The following NAV3 variants were observed in gnomAD, a reference collection of about 807,000 sequenced individuals.
NAV3 encodes the protein neuron navigator 3.
NAV3 carries 87 observed loss-of-function variants against 244.7 expected under a neutral mutation model. The observed-to-expected ratio is 0.36, with a 90% CI of 0.30 to 0.42. The LOEUF is 0.42. Among genes scored for constraint, NAV3 ranks in the 20% least tolerant of loss-of-function variants. The pLI, the probability that NAV3 is intolerant of heterozygous loss-of-function variation, is 1.00. For synonymous variants in NAV3, 1,126 were observed against 1,042.2 expected, an observed-to-expected ratio of 1.08 and a Z score of -1.55; for missense variants, 2,663 against 2,893.3, an observed-to-expected ratio of 0.92 and a Z score of 1.83.
Position 77,988,363 on chromosome 12 carries a change from T to C in NAV3, c.672-6440T>C, listed in dbSNP as rs538759206. Among the ~76,000 whole-genome samples, 15 of 152,294 alleles carry C rather than the reference T, an allele frequency of 9.8e-5. No individual in the cohort carries two copies. The East Asian group carries it at 2.5e-3, about 26-fold the overall frequency. On this transcript the variant is annotated intron_variant, in intron 5 of 39. Transcript: ENST00000397909. ...CTTAAAAAGCTTTCTTTCCTTACAATAAATGGATTTTATAACTCCACATGA... is the reference window on the plus strand; with the variant it reads ...CTTAAAAAGCTTTCTTTCCTTACAACAAATGGATTTTATAACTCCACATGA...
intron 2 of NAV3, among the ~76,000 whole-genome samples, chr12:77,799,502 A>G (rs1319460051): frequency 6.6e-6 from 1 of 152,196 alleles, no homozygotes; most frequent in Admixed American, 6.5e-5. Context: ...GGTGATAAAT[A>G]TTAAGAAGGT....
intron 12 of NAV3, among the ~76,000 whole-genome samples, chr12:78,064,679 G>C (rs1884798272): frequency 6.6e-6 from 1 of 152,020 alleles, no homozygotes; most frequent in Non-Finnish European, 1.5e-5. Context: ...TAACTCCCAG[G>C]TGGATATGTC....
chr12:78,071,501 G>C (rs988915484), intron 12 of NAV3, among the ~76,000 whole-genome samples: 3 of 151,886 alleles, frequency 2.0e-5, no homozygotes, highest in African/African-American at 7.3e-5. Context: ...CCATTTTGTA[G>C]GTTGCCTGTT....
intron 9 of NAV3, among the ~76,000 whole-genome samples, chr12:78,025,595 CAA>C (rs1186694789): frequency 7.2e-5 from 4 of 55,566 alleles, no homozygotes; most frequent in African/African-American, 3.0e-4. Flanking sequence ...GACTCCATCT[CAA>C]AAAAAAAAAA....
intron 1 of NAV3, among the ~76,000 whole-genome samples, chr12:77,925,627 C>G (rs1888131195): frequency 6.6e-6 from 1 of 152,080 alleles, no homozygotes; most frequent in Non-Finnish European, 1.5e-5. Flanking sequence ...ATTATTTGAG[C>G]AGCATCGCTT....
At chr12:78,165,370 T>C (rs1957736687) in intron 23 of NAV3, among the ~76,000 whole-genome samples, 1 of 152,056 alleles carries the variant, frequency 6.6e-6, no homozygotes, top group Non-Finnish European at 1.5e-5. Context: ...ATGACTGAAT[T>C]GGAAGAGTAG....
chr12:77,776,379 G>T (rs1482261740), intron 2 of NAV3, among the ~76,000 whole-genome samples: 1 of 152,202 alleles, frequency 6.6e-6, no homozygotes, highest in Non-Finnish European at 1.5e-5. Context: ...CATACATTTT[G>T]ATTGGTCACA....
At chr12:77,703,311 T>A (rs1875644228) in intron 2 of NAV3, among the ~76,000 whole-genome samples, 1 of 152,098 alleles carries the variant, frequency 6.6e-6, no homozygotes, top group African/African-American at 2.4e-5. Flanking sequence ...TCCTTTCACA[T>A]AGCATAATAC....
intron 2 of NAV3, among the ~76,000 whole-genome samples, chr12:77,741,135 G>GAAAAA (rs71088333): frequency 1.6e-5 from 1 of 60,746 alleles, no homozygotes; most frequent in Non-Finnish European, 2.8e-5. Flanking sequence ...AATAGTCAAA[G>GAAAAA]AAAAAAAAAA....
Position 77,622,628 on chromosome 12 carries a change from T to A in NAV3, c.72+50362T>A, listed in dbSNP as rs369552783. Among the ~76,000 whole-genome samples, 58 of 151,482 alleles carry A rather than the reference T, an allele frequency of 3.8e-4. 1 individual carries two copies. The East Asian group carries it at 0.01, about 27-fold the overall frequency. On this transcript the variant is annotated intron_variant, in intron 2 of 8. Coordinates refer to the NAV3 transcript ENST00000550042. The stretch of plus-strand genomic sequence containing the variant: ...CAAAAGACAGGAGACTTAAGCTAGT[T>A]GTACTTGCTCCAAAATATGTAGAAA...
chr12:77,828,530 C>T (rs1442440471), upstream of NAV3, among the ~76,000 whole-genome samples: 1 of 152,006 alleles, frequency 6.6e-6, no homozygotes, highest in Non-Finnish European at 1.5e-5. Context: ...ACTTCATCTA[C>T]AAGGTATCAG....
intron 2 of NAV3, among the ~76,000 whole-genome samples, chr12:77,717,314 C>A (rs1466972511): frequency 1.3e-5 from 2 of 152,030 alleles, no homozygotes; most frequent in East Asian, 3.9e-4. Flanking sequence ...CAGTATTCTA[C>A]TTTCTCCTTC....
intron 2 of NAV3, among the ~76,000 whole-genome samples, chr12:77,786,579 C>G (rs547611095): frequency 2.0e-5 from 3 of 152,192 alleles, no homozygotes; most frequent in African/African-American, 7.2e-5. Context: ...AAGCAATAAG[C>G]ATAATTTCTT....
chr12:77,613,039 G>A (rs1432649657), intron 2 of NAV3, among the ~76,000 whole-genome samples: 1 of 152,094 alleles, frequency 6.6e-6, no homozygotes, highest in East Asian at 1.9e-4. Flanking sequence ...CCCCAACCAT[G>A]CTGAACTGTG....
At chr12:77,855,149 A>G (rs1878199134) in intron 1 of NAV3, among the ~76,000 whole-genome samples, 1 of 152,116 alleles carries the variant, frequency 6.6e-6, no homozygotes, top group Non-Finnish European at 1.5e-5. Flanking sequence ...TAAAAAATAT[A>G]TGCTGACTAA....
chr12:78,105,916 TAACAA>T (rs1954778775), intron 12 of NAV3, among the ~76,000 whole-genome samples: 1 of 151,566 alleles, frequency 6.6e-6, no homozygotes, highest in Admixed American at 6.6e-5. Flanking sequence ...TCAAAATTTC[TAACAA>T]ATATTTACTT....
chr12:77,666,028 T>A (rs1873698080), intron 2 of NAV3, among the ~76,000 whole-genome samples: 1 of 152,176 alleles, frequency 6.6e-6, no homozygotes, highest in African/African-American at 2.4e-5. Context: ...CCTATGTAAT[T>A]ATGACTTTAA....
At chr12:78,163,517 G>A (rs1370163761) in intron 23 of NAV3, among the ~76,000 whole-genome samples, 1 of 152,002 alleles carries the variant, frequency 6.6e-6, no homozygotes, top group African/African-American at 2.4e-5. Flanking sequence ...GCACTGAGCT[G>A]AGATCATGCC....
intron 1 of NAV3, among the ~76,000 whole-genome samples, chr12:77,857,192 T>C (rs1220521783): frequency 6.6e-6 from 1 of 152,096 alleles, no homozygotes; most frequent in African/African-American, 2.4e-5. Flanking sequence ...CTTGAATATG[T>C]TACTTAATCT....
Sources: allele counts gnomAD v4.1 joint callset (sites outside exome capture counted in the v4.1 genomes callset), GRCh38; gene constraint gnomAD v4.1.1; transcripts MANE v1.5; gene names NCBI Gene and HGNC (gene_info 2026-07-23, HGNC 2026-07-21).